TRAM2: variants seen among roughly 807,000 people sequenced by gnomAD.
TRAM2 encodes translocating chain-associated membrane protein 2.
TRAM2 carries 12 observed loss-of-function variants against 51.0 expected under a neutral mutation model. That is an observed-to-expected ratio of 0.24 (90% CI 0.15 to 0.38). The LOEUF (loss-of-function observed/expected upper bound fraction) is 0.38, where lower values mean the gene tolerates loss of function less well. Ranked by LOEUF, TRAM2 falls within the 10% of genes least tolerant of loss-of-function variation. The pLI is 1.00. For missense variants in TRAM2, 361 were observed against 462.0 expected (o/e 0.78, Z 2.00); for synonymous variants, 175 against 179.4 (o/e 0.98, Z 0.20).
At chr6:52,561,343 C>T (rs866995497) in intron 1 of TRAM2, among the ~76,000 whole-genome samples, 5 of 152,174 alleles carry the variant, frequency 3.3e-5, no homozygotes, top group Admixed American at 6.5e-5. Context: ...AGTGCAGTGG[C>T]GCAATCTTGG....
At chr6:52,528,355 GCCACCGCTGC>G (rs1473454108) in intron 2 of TRAM2, among the ~76,000 whole-genome samples, 1 of 152,008 alleles carries the variant, frequency 6.6e-6, no homozygotes, top group Non-Finnish European at 1.5e-5. Context: ...CATCTCCAGA[GCCACCGCTGC>G]CCACCTGTCT....
At chr6:52,572,522 G>C (rs142828575) in intron 1 of TRAM2, among the ~76,000 whole-genome samples, 1 of 152,246 alleles carries the variant, frequency 6.6e-6, no homozygotes, top group Non-Finnish European at 1.5e-5. Flanking sequence ...AGAATCGCTG[G>C]AACCTGGGAG....
chr6:52,525,958 G>C (rs2268734), intron 2 of TRAM2, among the ~76,000 whole-genome samples: 5,590 of 152,154 alleles, frequency 0.037, 117 homozygotes, highest in East Asian at 0.087. Flanking sequence ...GAGACAGGGA[G>C]ATGACGACCA....
intron 1 of TRAM2, among the ~76,000 whole-genome samples, chr6:52,547,116 G>A (rs750433687): frequency 6.6e-6 from 1 of 152,304 alleles, no homozygotes; most frequent in South Asian, 2.1e-4. Flanking sequence ...GCTCAACTCT[G>A]AAGGAAAGCA....
intron 1 of TRAM2, among the ~76,000 whole-genome samples, chr6:52,549,936 A>T (rs1767279570): frequency 6.6e-6 from 1 of 152,204 alleles, no homozygotes; most frequent in South Asian, 2.1e-4. Flanking sequence ...GTAGTATTTC[A>T]GGGACATCAG....
At chr6:52,556,471 G>T (rs986041284) in intron 1 of TRAM2, among the ~76,000 whole-genome samples, 2 of 151,800 alleles carry the variant, frequency 1.3e-5, no homozygotes, top group African/African-American at 4.8e-5. Context: ...TAGTAGAGAT[G>T]GGGTTTCACC....
chr6:52,549,417 C>T (rs1032396028), intron 1 of TRAM2, among the ~76,000 whole-genome samples: 8 of 152,170 alleles, frequency 5.3e-5, no homozygotes, highest in Non-Finnish European at 7.3e-5. Context: ...AAATGATTGT[C>T]TCCCTCAAAG....
At chr6:52,506,895 C>T (rs767283287) in intron 7 of TRAM2, among the ~76,000 whole-genome samples, 14 of 152,260 alleles carry the variant, frequency 9.2e-5, no homozygotes, top group South Asian at 2.1e-4. Context: ...CCAGGCACCT[C>T]GGCAGAAAGT....
chr6:52,520,376 T>C (rs1014400299), intron 2 of TRAM2, among the ~76,000 whole-genome samples: 12 of 152,014 alleles, frequency 7.9e-5, no homozygotes, highest in Non-Finnish European at 1.6e-4. Flanking sequence ...ACAGGGAGAA[T>C]GGGTTAGAGT....
In TRAM2 at chr6:52,498,369, C is replaced by G. The variant is rs1192867748; in HGVS notation, c.*4828G>C. The G allele has an allele frequency of 6.6e-6, 1 of 152,516 alleles. No individual in the cohort carries two copies. The highest frequency in any genetic ancestry group is 1.5e-5 in the Non-Finnish European group (1 of 68,052). The allele number at this position is 152,516 out of a possible 1,614,324, so 9.4% of individuals were successfully genotyped here. On this transcript the variant is annotated 3_prime_UTR_variant, in exon 11 of 11. Coordinates refer to ENST00000182527, the MANE Select transcript of TRAM2 (RefSeq NM_012288.4). ...GGAGCTCGAACAGTTCTGCAACAGT[C>G]AGACATGTATGTGTTTATGTGTTAG... is the stretch of plus-strand genomic sequence containing the variant.
At chr6:52,538,263 A>G (rs1028842775) in intron 1 of TRAM2, among the ~76,000 whole-genome samples, 1 of 152,236 alleles carries the variant, frequency 6.6e-6, no homozygotes, top group Non-Finnish European at 1.5e-5. Flanking sequence ...CATGTCTTTT[A>G]GAGCACAGGG....
chr6:52,526,636 A>T (rs1455681677), intron 2 of TRAM2, among the ~76,000 whole-genome samples: 2 of 152,064 alleles, frequency 1.3e-5, no homozygotes, highest in Admixed American at 1.3e-4. Flanking sequence ...TGATCTGCTC[A>T]CCTCGGCCTC....
chr6:52,542,263 T>G (rs1190491272), intron 1 of TRAM2, among the ~76,000 whole-genome samples: 1 of 141,230 alleles, frequency 7.1e-6, no homozygotes, highest in Non-Finnish European at 1.5e-5. Context: ...GATTTTTGGG[T>G]TTTTTTTTTT....
chr6:52,530,728 C>T (rs1766873918), intron 2 of TRAM2, among the ~76,000 whole-genome samples: 2 of 152,168 alleles, frequency 1.3e-5, no homozygotes, highest in South Asian at 4.1e-4. Context: ...CGCGGCCCCT[C>T]TGCTGGCCCC....
chr6:52,549,105 C>T (rs944092316), intron 1 of TRAM2, among the ~76,000 whole-genome samples: 2 of 152,158 alleles, frequency 1.3e-5, no homozygotes, highest in African/African-American at 2.4e-5. Context: ...ATAGTCATAA[C>T]GGCTTTACGG....
rs1355749815 is a variant in TRAM2, at chr6:52,500,907, A to G, written c.*2290T>C. On this transcript the variant is annotated 3_prime_UTR_variant, in exon 11 of 11. Transcript: ENST00000182527. Reference sequence around the variant, plus strand: ...GACTCACCTGAGAGAGGCCTCCTGCATGTGAAGCCCTGCCAATGACACAGC... The same window carrying G: ...GACTCACCTGAGAGAGGCCTCCTGCGTGTGAAGCCCTGCCAATGACACAGC... 6.6e-6 allele frequency: 1 copy of G among 152,240 alleles called. No homozygotes were observed. The allele number at this position is 152,240 out of a possible 1,614,324, so 9.4% of individuals were successfully genotyped here. A position where few individuals can be genotyped will look rare whatever the true frequency, so the allele number is the denominator to read the frequency against.
intron 2 of TRAM2, among the ~76,000 whole-genome samples, chr6:52,534,207 CCCT>C (rs1562482204): frequency 6.6e-6 from 1 of 151,566 alleles, no homozygotes; most frequent in Admixed American, 6.6e-5. Flanking sequence ...AATGGAGAAA[CCCT>C]GTCTCTACTA....
intron 2 of TRAM2, among the ~76,000 whole-genome samples, chr6:52,531,733 A>T (rs541097725): frequency 6.6e-6 from 1 of 152,048 alleles, no homozygotes; most frequent in Admixed American, 6.6e-5. Context: ...CAACCCCCAC[A>T]CTCAGAAACA....
At chr6:52,554,228 T>C (rs1767361273) in intron 1 of TRAM2, among the ~76,000 whole-genome samples, 1 of 152,076 alleles carries the variant, frequency 6.6e-6, no homozygotes, top group African/African-American at 2.4e-5. Flanking sequence ...CACTTTGGTT[T>C]TGAAAACCAA....
Sources: allele counts gnomAD v4.1 joint callset (sites outside exome capture counted in the v4.1 genomes callset), GRCh38; gene constraint gnomAD v4.1.1; transcripts MANE v1.5; gene names NCBI Gene and HGNC (gene_info 2026-07-23, HGNC 2026-07-21).